Variants in FAF1 observed in about 807,000 individuals in gnomAD.
FAF1 encodes the protein Fas associated factor 1.
In FAF1, 25 loss-of-function variants were observed where a neutral mutation model predicts 92.5. The ratio of observed to expected loss-of-function variants is 0.27; its 90% confidence interval spans 0.20 to 0.38. The LOEUF (loss-of-function observed/expected upper bound fraction) is 0.38. Among genes scored for constraint, FAF1 ranks in the 10% least tolerant of loss-of-function variants. FAF1 has a pLI of 1.00. For synonymous variants in FAF1, 234 were observed against 273.2 expected (o/e 0.86, Z 1.42); for missense variants, 636 against 793.3 (o/e 0.80, Z 2.38).
intron 17 of FAF1, among the ~76,000 whole-genome samples, chr1:50,479,469 T>C (rs1009427217): frequency 6.6e-6 from 1 of 152,242 alleles, no homozygotes; most frequent in Non-Finnish European, 1.5e-5. Context: ...GCATTGATCC[T>C]CATGCTATAT....
At chr1:50,554,255 C>CA (rs1649445337) in intron 13 of FAF1, among the ~76,000 whole-genome samples, 1 of 151,054 alleles carries the variant, frequency 6.6e-6, no homozygotes, top group Admixed American at 6.6e-5. Flanking sequence ...CTGGTATAGC[C>CA]ATTGCAATGA....
chr1:50,781,923 C>T (rs1229022682), intron 4 of FAF1, among the ~76,000 whole-genome samples: 3 of 152,132 alleles, frequency 2.0e-5, no homozygotes, highest in African/African-American at 7.2e-5. Context: ...ATATATTATA[C>T]CAAGGTGGTC....
intron 18 of FAF1, chr1:50,462,146 G>A (rs1646440710): frequency 1.3e-5 from 2 of 150,894 alleles, no homozygotes; most frequent in Admixed American, 6.6e-5. Context: ...CTTTGCCCAT[G>A]TACCTTTTCT....
At chr1:50,474,419 A>ATTT (rs1646613710) in intron 18 of FAF1, among the ~76,000 whole-genome samples, 2 of 151,500 alleles carry the variant, frequency 1.3e-5, no homozygotes, top group East Asian at 3.9e-4. Context: ...TTTTTTTTTA[A>ATTT]ATTTTTTATT....
In FAF1 at chr1:50,843,493, A is replaced by G. The variant is rs942407673; in HGVS notation, c.114+14436T>C. ...CAGAACATCAGAACTTATTCCTTCT[A>G]TCTACTTTTGTACACATAAACCAAC... On this transcript the variant is annotated intron_variant, in intron 2 of 18. Coordinates refer to ENST00000396153, the MANE Select transcript of FAF1 (RefSeq NM_007051.3). 1.6e-4 allele frequency among the ~76,000 whole-genome samples: 24 copies of G among 152,058 alleles called. 1 individual carries two copies. Among genetic ancestry groups the G allele is most frequent in the Admixed American group, 1.1e-3 (17 of 15,268 alleles).
At chr1:50,719,766 C>G (rs1658330766) in intron 6 of FAF1, among the ~76,000 whole-genome samples, 1 of 152,132 alleles carries the variant, frequency 6.6e-6, no homozygotes, top group Admixed American at 6.6e-5. Flanking sequence ...TCTGACTATC[C>G]ATTAAATCAA....
chr1:50,755,373 T>A (rs560532682), intron 4 of FAF1, among the ~76,000 whole-genome samples: 1 of 152,320 alleles, frequency 6.6e-6, no homozygotes. Flanking sequence ...TGACTCCAAG[T>A]CTCACATCTA....
chr1:50,858,138 C>A (rs1644404943), intron 1 of FAF1, 141 bp from the exon 2 acceptor site: 2 of 513,084 alleles, frequency 3.9e-6, no homozygotes. Flanking sequence ...AAGTTTAACA[C>A]TTCTAAGCAT....
At chr1:50,628,450 T>C (rs1420297922) in intron 8 of FAF1, among the ~76,000 whole-genome samples, 1 of 152,188 alleles carries the variant, frequency 6.6e-6, no homozygotes, top group Non-Finnish European at 1.5e-5. Flanking sequence ...TCTGCGGCCT[T>C]GGACAAATTT....
rs1646158693 is a variant in FAF1, at chr1:50,440,735, A to G, written c.*705T>C. On this transcript the variant is annotated 3_prime_UTR_variant, in exon 19 of 19. Transcript: ENST00000396153. ...AGTTTTGGTACTGGCCTCTCTGCAC[A>G]TGATCTCAACATTCACATTGTGTGC... 6.6e-6 allele frequency: 1 copy of G among 152,272 alleles called. No individual in the cohort carries two copies. The highest frequency in any genetic ancestry group is 2.4e-5 in the African/African-American group (1 of 41,478). The allele number at this position is 152,272 out of a possible 1,614,324, so 9.4% of individuals were successfully genotyped here. A position where few individuals can be genotyped will look rare whatever the true frequency, so the allele number is the denominator to read the frequency against.
At chr1:50,832,952 T>C (rs969046775) in intron 2 of FAF1, among the ~76,000 whole-genome samples, 1 of 152,060 alleles carries the variant, frequency 6.6e-6, no homozygotes, top group Non-Finnish European at 1.5e-5. Flanking sequence ...AATCTTGGAG[T>C]CCTTTTTTGC....
intron 15 of FAF1, among the ~76,000 whole-genome samples, chr1:50,515,308 T>A (rs1647203172): frequency 6.6e-6 from 1 of 152,170 alleles, no homozygotes; most frequent in Admixed American, 6.5e-5. Flanking sequence ...AACTTGCCAA[T>A]GGTGTATATC....
intron 1 of FAF1, among the ~76,000 whole-genome samples, chr1:50,924,788 G>A (rs1485818985): frequency 6.6e-6 from 1 of 152,154 alleles, no homozygotes; most frequent in Non-Finnish European, 1.5e-5. Flanking sequence ...TTCAAGACCA[G>A]CCTGGCCAAC....
chr1:50,818,725 A>C (rs1644001662), intron 2 of FAF1, among the ~76,000 whole-genome samples: 1 of 151,982 alleles, frequency 6.6e-6, no homozygotes, highest in African/African-American at 2.4e-5. Flanking sequence ...ATATGCGCAG[A>C]CCCACAATAA....
At chr1:50,742,479 GT>G (rs1330475407) in intron 5 of FAF1, among the ~76,000 whole-genome samples, 1 of 152,132 alleles carries the variant, frequency 6.6e-6, no homozygotes, top group Non-Finnish European at 1.5e-5. Context: ...CACCTCCCAG[GT>G]TCAAGCGATT....
intron 4 of FAF1, among the ~76,000 whole-genome samples, chr1:50,786,829 C>T (rs1661382336): frequency 6.6e-6 from 1 of 152,004 alleles, no homozygotes; most frequent in Admixed American, 6.5e-5. Flanking sequence ...ACTTATAGGC[C>T]ATGTTAAAGA....
At chr1:50,774,899 T>C (rs933911655) in intron 4 of FAF1, among the ~76,000 whole-genome samples, 2 of 152,102 alleles carry the variant, frequency 1.3e-5, no homozygotes, top group Admixed American at 1.3e-4. Context: ...TTTTGGGTAT[T>C]GAAATGAAAC....
chr1:50,909,201 A>C (rs984185211), intron 1 of FAF1, among the ~76,000 whole-genome samples: 19 of 152,066 alleles, frequency 1.2e-4, no homozygotes, highest in African/African-American at 4.6e-4. Context: ...TGAATATTGG[A>C]CCCCACTCTC....
At chr1:50,615,052 A>G (rs1244856490) in intron 8 of FAF1, among the ~76,000 whole-genome samples, 3 of 152,078 alleles carry the variant, frequency 2.0e-5, no homozygotes, top group Non-Finnish European at 2.9e-5. Context: ...TCCCTGCTCT[A>G]GTAGTCCACA....
Sources: gnomAD v4.1 joint callset for allele counts (sites outside exome capture counted in the v4.1 genomes callset) on GRCh38, gnomAD v4.1.1 for gene constraint, MANE v1.5 for transcripts, NCBI Gene and HGNC (gene_info 2026-07-23, HGNC 2026-07-21) for gene names.